The following TASP1 variants were observed in gnomAD, a reference collection of about 807,000 sequenced individuals.
TASP1 encodes the protein taspase 1, also known as threonine aspartase 1.
TASP1 carries 16 observed loss-of-function variants against 56.6 expected under a neutral mutation model. The observed-to-expected ratio is 0.28, with a 90% CI of 0.19 to 0.43. The LOEUF (loss-of-function observed/expected upper bound fraction) is 0.43. Among genes scored for constraint, TASP1 ranks in the 20% least tolerant of loss-of-function variants. The pLI is 1.00. For missense variants in TASP1, 393 were observed against 511.6 expected (o/e 0.77, Z 2.24); for synonymous variants, 179 against 184.2 (o/e 0.97, Z 0.23).
chr20:13,145,628 A>G, the TASP1 span, among the ~76,000 whole-genome samples: 2 of 151,542 alleles, frequency 1.3e-5, no homozygotes, highest in Non-Finnish European at 2.9e-5. Context: ...ACAAAACTAG[A>G]AAAAAAAAGA....
intron 10 of TASP1, among the ~76,000 whole-genome samples, chr20:13,509,179 C>G (rs2044239152): frequency 2.1e-5 from 3 of 144,494 alleles, no homozygotes; most frequent in South Asian, 4.4e-4. Flanking sequence ...GCCTTTAAAA[C>G]CAAGAAAATC....
the TASP1 span, among the ~76,000 whole-genome samples, chr20:13,362,067 T>C: frequency 6.7e-6 from 1 of 149,918 alleles, no homozygotes; most frequent in South Asian, 2.1e-4. Flanking sequence ...AAGACCTCCC[T>C]TCAGCTTAAT....
chr20:13,379,756 T>G, the TASP1 span, among the ~76,000 whole-genome samples: 2 of 152,204 alleles, frequency 1.3e-5, no homozygotes, highest in Non-Finnish European at 2.9e-5. Flanking sequence ...TCATATTTCT[T>G]GGAGGCTTTG....
chr20:13,516,376 G>A (rs1348307994), intron 10 of TASP1, among the ~76,000 whole-genome samples: 3 of 152,042 alleles, frequency 2.0e-5, no homozygotes, highest in African/African-American at 4.8e-5. Flanking sequence ...ACACATCCTC[G>A]CTCCACACTG....
the TASP1 span, among the ~76,000 whole-genome samples, chr20:13,240,447 A>G: frequency 1.3e-5 from 2 of 152,220 alleles, no homozygotes; most frequent in Admixed American, 1.3e-4. Context: ...AACTCAGGAG[A>G]GCCAGTCAGG....
chr20:13,231,979 A>G, the TASP1 span, among the ~76,000 whole-genome samples: 4,813 of 152,300 alleles, frequency 0.032, 262 homozygotes, highest in African/African-American at 0.11. Context: ...AATGCAGAGA[A>G]GGTGGAAATG....
At chr20:13,387,184 A>AC (rs2041169407), downstream of TASP1, among the ~76,000 whole-genome samples, 14 of 70,694 alleles carry the variant, frequency 2.0e-4, no homozygotes, top group East Asian at 4.5e-3. Flanking sequence ...ACATGATTTC[A>AC]TTTTTTTTTT....
At chr20:13,275,167 C>A in the TASP1 span, among the ~76,000 whole-genome samples, 31 of 152,108 alleles carry the variant, frequency 2.0e-4, no homozygotes, top group Admixed American at 9.2e-4. Context: ...TTCATTTCAA[C>A]CCATATATTT....
At chr20:13,295,085 A>ACAC in the TASP1 span, among the ~76,000 whole-genome samples, 8 of 152,104 alleles carry the variant, frequency 5.3e-5, no homozygotes, top group African/African-American at 1.7e-4. Context: ...ATTTCCACCC[A>ACAC]CACCACCACC....
chr20:13,622,555 G>A (rs1446072278), intron 4 of TASP1, among the ~76,000 whole-genome samples: 1 of 152,080 alleles, frequency 6.6e-6, no homozygotes, highest in Non-Finnish European at 1.5e-5. Flanking sequence ...CAGAAAACAC[G>A]GCTAGGACTA....
At chr20:13,586,012 G>T (rs2047289914) in intron 5 of TASP1, among the ~76,000 whole-genome samples, 1 of 151,828 alleles carries the variant, frequency 6.6e-6, no homozygotes, top group Admixed American at 6.6e-5. Context: ...GTGGGTGCCT[G>T]TAATCCCAGC....
the TASP1 span, among the ~76,000 whole-genome samples, chr20:13,278,459 C>T: frequency 6.6e-6 from 1 of 152,272 alleles, no homozygotes; most frequent in Admixed American, 6.5e-5. Flanking sequence ...CCCACCTGCA[C>T]CTGTGGTCTT....
intron 12 of TASP1, among the ~76,000 whole-genome samples, chr20:13,420,838 G>A (rs1271258031): frequency 6.6e-6 from 1 of 152,212 alleles, no homozygotes; most frequent in East Asian, 1.9e-4. Context: ...TGGACTCTGG[G>A]ATCACAAAGC....
chr20:13,533,754 A>G (rs1164399175), intron 9 of TASP1, among the ~76,000 whole-genome samples: 1 of 152,180 alleles, frequency 6.6e-6, no homozygotes, highest in African/African-American at 2.4e-5. Flanking sequence ...AATGTCTACT[A>G]AATACCCAGG....
At chr20:13,344,942 C>T in the TASP1 span, among the ~76,000 whole-genome samples, 1 of 152,110 alleles carries the variant, frequency 6.6e-6, no homozygotes, top group Admixed American at 6.5e-5. Flanking sequence ...CCGGATTCTG[C>T]TGAGCTCAGA....
the TASP1 span, among the ~76,000 whole-genome samples, chr20:13,329,045 TTGA>T: frequency 1.3e-5 from 2 of 152,330 alleles, no homozygotes; most frequent in Admixed American, 1.3e-4. Flanking sequence ...TTTCTTACTG[TTGA>T]TTTCTTTCTT....
chr20:13,590,371 C>T (rs941773386), intron 4 of TASP1, among the ~76,000 whole-genome samples: 15 of 152,236 alleles, frequency 9.9e-5, no homozygotes, highest in South Asian at 4.1e-4. Flanking sequence ...GAAGGATGTA[C>T]GGACATGCAA....
In TASP1 at chr20:13,513,413, G is replaced by A. The variant is rs1285331694; in HGVS notation, c.874+15020C>T. Among the ~76,000 whole-genome samples, 3 of 152,068 alleles carry A rather than the reference G, an allele frequency of 2.0e-5. No homozygotes were observed. The South Asian group carries it at 6.2e-4, about 32-fold the overall frequency. Reference sequence around the variant, plus strand: ...GGGAAGAAACAAAAGAGGGAGGGAGGGAGGGAGAGAGACAGAAGGCAGAGC... The same window carrying A: ...GGGAAGAAACAAAAGAGGGAGGGAGAGAGGGAGAGAGACAGAAGGCAGAGC... On this transcript the variant is annotated intron_variant, in intron 10 of 13. Coordinates refer to ENST00000337743, the MANE Select transcript of TASP1 (RefSeq NM_017714.3).
chr20:13,388,407 T>G (rs1237530091), downstream of TASP1, among the ~76,000 whole-genome samples: 1 of 151,810 alleles, frequency 6.6e-6, no homozygotes, highest in Admixed American at 6.6e-5. Context: ...AAAAAAAAAA[T>G]GTAGAAAATT....
Sources: gnomAD v4.1 joint callset for allele counts (sites outside exome capture counted in the v4.1 genomes callset) on GRCh38, gnomAD v4.1.1 for gene constraint, MANE v1.5 for transcripts, NCBI Gene and HGNC (gene_info 2026-07-23, HGNC 2026-07-21) for gene names.